Variants in L3MBTL2 observed in about 807,000 individuals in gnomAD.
L3MBTL2 encodes lethal(3)malignant brain tumor-like protein 2.
L3MBTL2 carries 49 observed loss-of-function variants against 86.4 expected under a neutral mutation model. The ratio of observed to expected loss-of-function variants is 0.57; its 90% confidence interval spans 0.45 to 0.72. The LOEUF (loss-of-function observed/expected upper bound fraction) is 0.72, where lower values mean the gene tolerates loss of function less well. Ranked by LOEUF, L3MBTL2 falls within the 30% of genes least tolerant of loss-of-function variation. The pLI, the probability that L3MBTL2 is intolerant of heterozygous loss-of-function variation, is 0.00. For synonymous variants in L3MBTL2, 336 were observed against 350.6 expected (o/e 0.96, Z 0.47); for missense variants, 755 against 923.7 (o/e 0.82, Z 2.37).
Position 41,231,094 on chromosome 22 carries a change from G to C in L3MBTL2, c.*843G>C, listed in dbSNP as rs755897385. The stretch of plus-strand genomic sequence containing the variant: ...CTGGAGCCTCTAGAGAGCTGGGCTT[G>C]TATGTTCTTTTGGCCTTTTGTTCCT... On this transcript the variant is annotated 3_prime_UTR_variant, in exon 17 of 17. Transcript: ENST00000216237. The C allele has an allele frequency of 2.0e-5, 3 of 152,202 alleles. No individual in the cohort carries two copies. Among genetic ancestry groups the C allele is most frequent in the Non-Finnish European group, 4.4e-5 (3 of 68,042 alleles). 9.4% of individuals were successfully genotyped at this position (152,202 alleles called of 1,614,324 possible).
intron 6 of L3MBTL2, among the ~76,000 whole-genome samples, chr22:41,220,467 C>T (rs1274385459): frequency 6.6e-6 from 1 of 152,050 alleles, no homozygotes; most frequent in Admixed American, 6.6e-5. Context: ...GAGGGCAGAT[C>T]ACGAGGTCGG....
In L3MBTL2 at chr22:41,227,884, G is replaced by A. The variant is rs199819388; in HGVS notation, c.1888+15G>A. 2.4e-4 allele frequency: 382 copies of A among 1,610,950 alleles called. 1 individual carries two copies. In the African/African-American group the frequency reaches 4.0e-3, roughly 17 times the overall value. ...TGGGAAGAAAAGTAAGTGCTGCACC[G>A]GTGCAGCCAGGCTGGTGTGGGCCTG... On this transcript the variant is annotated intron_variant, in intron 15 of 16. Transcript: ENST00000216237. This position sits in a 1 kb window ranked among gnomAD's most constrained non-coding sequence, Gnocchi z 6.0.
chr22:41,224,780 C>T lies in L3MBTL2; in HGVS notation c.1230C>T (p.Ala410=), dbSNP rs770875808. ...HPTFRKIYCD[A]VPYLFKKVRA... is the part of the protein sequence containing the mutation. Reference sequence around the variant, plus strand: ...CCTTCCGGAAGATCTACTGTGATGCCGTTCCTTACCTCTTCAAGAAGGTGA... The same window carrying T: ...CCTTCCGGAAGATCTACTGTGATGCTGTTCCTTACCTCTTCAAGAAGGTGA... The change falls in exon 10 of 17, where the codon GCC becomes GCT. Residue 410 remains alanine, a synonymous_variant. Coordinates refer to ENST00000216237, the MANE Select transcript of L3MBTL2 (RefSeq NM_031488.5). This position sits in a 1 kb window ranked among gnomAD's most constrained non-coding sequence, Gnocchi z 4.9. 25 of 1,613,650 alleles carry T rather than the reference C, an allele frequency of 1.5e-5. No individual in the cohort carries two copies. Among genetic ancestry groups the T allele is most frequent in the Middle Eastern group, 1.6e-4 (1 of 6,078 alleles).
chr22:41,211,561 T>C (rs7287006), intron 2 of L3MBTL2, among the ~76,000 whole-genome samples: 1,544 of 55,616 alleles, frequency 0.028, 179 homozygotes, highest in African/African-American at 0.13. Context: ...TATTTCCTTT[T>C]TTTTTTTTTT....
At chr22:41,229,870 CCCT>C (rs989351912) in intron 16 of L3MBTL2, 53 of 800,298 alleles carry the variant, frequency 6.6e-5, no homozygotes, top group African/African-American at 1.5e-4. Context: ...CGGCCCCGGC[CCCT>C]CCTCCTCCTC....
intron 4 of L3MBTL2, among the ~76,000 whole-genome samples, chr22:41,216,835 T>TAA (rs1438285733): frequency 6.6e-6 from 1 of 152,232 alleles, no homozygotes; most frequent in Admixed American, 6.5e-5. Context: ...AGCCCAGGGA[T>TAA]ATTTCAGTTT....
rs1601530025 is a variant in L3MBTL2, at chr22:41,224,410, A to G, written c.1174+159A>G. On this transcript the variant is annotated intron_variant, in intron 9 of 16. Coordinates refer to ENST00000216237, the MANE Select transcript of L3MBTL2 (RefSeq NM_031488.5). This position sits in a 1 kb window ranked among gnomAD's most constrained non-coding sequence, Gnocchi z 4.9. ...TCCAGAGAGCTTGAGTAACTTGACA[A>G]AAGTCACTCCACTCAACTTGTGAGT... is the stretch of plus-strand genomic sequence containing the variant. Among the ~76,000 whole-genome samples, 2 of 152,144 alleles carry G rather than the reference A, an allele frequency of 1.3e-5. No individual in the cohort carries two copies. Among genetic ancestry groups the G allele is most frequent in the South Asian group, 2.1e-4 (1 of 4,830 alleles).
chr22:41,217,455 A>G, intron 5 of L3MBTL2: 1 of 481,228 alleles, frequency 2.1e-6, no homozygotes. Flanking sequence ...ACTTGGTGCT[A>G]GCTGATGTCG....
chr22:41,227,210 T>G lies in L3MBTL2; in HGVS notation c.1709T>G (p.Phe570Cys). Residue 570 changes from phenylalanine (F) to cysteine (C), a missense_variant, in exon 14 of 17, where the codon TTT becomes TGT. By Grantham distance (205) the Phe-to-Cys change is radical. Around this residue, in one of 3 missense-constraint regions of L3MBTL2, gnomAD observed 634 missense variants for 748.9 expected, o/e 0.85. Transcript: ENST00000216237. The surrounding 1 kb of genome is among the most constrained non-coding windows in gnomAD (Gnocchi z 6.0). ...RVVHRLLSIH[F>C]DGWDSEYDQW... ...GTGCATCGGCTCCTCAGCATCCACT[T>G]TGACGGCTGGGACAGCGAGTACGAC... 1 of 1,613,656 alleles carries G rather than the reference T, an allele frequency of 6.2e-7. No individual in the cohort carries two copies. The highest frequency in any genetic ancestry group is 8.5e-7 in the Non-Finnish European group (1 of 1,179,990).
In L3MBTL2 at chr22:41,217,189, G is replaced by T; in HGVS notation, c.587G>T (p.Ser196Ile). ...CACAGTTACAAGGCTGCTCCCGTCA[G>T]CTGTTTCAAGCACGTGAGTGCCCTG... is the stretch of plus-strand genomic sequence containing the variant. The part of the protein sequence containing the change: ...KDHSYKAAPV[S>I]CFKHVPLYDQ... The change falls in exon 5 of 17, where the codon AGC (serine) becomes ATC (isoleucine). Residue 196 changes from serine (S) to isoleucine (I), a missense_variant. Ser to Ile is a moderately radical substitution (Grantham distance 142). This residue lies in a region of L3MBTL2 where 634 missense variants were observed against 748.9 expected (regional missense o/e 0.85). Coordinates refer to ENST00000216237, the MANE Select transcript of L3MBTL2 (RefSeq NM_031488.5). 1 of 1,613,258 alleles carries T rather than the reference G, an allele frequency of 6.2e-7. No homozygotes were observed.
chr22:41,228,678 C>T (rs968414897), intron 15 of L3MBTL2, among the ~76,000 whole-genome samples: 4 of 152,044 alleles, frequency 2.6e-5, no homozygotes, highest in East Asian at 1.9e-4. Context: ...GGCGAAACCC[C>T]GTCTCTACTA....
chr22:41,208,670 G>A (rs2030450730), intron 1 of L3MBTL2, among the ~76,000 whole-genome samples: 1 of 152,100 alleles, frequency 6.6e-6, no homozygotes, highest in South Asian at 2.1e-4. Context: ...AGCAGTCTAG[G>A]TCCCAAATTA....
intron 2 of L3MBTL2, among the ~76,000 whole-genome samples, chr22:41,210,324 ATT>A (rs1239309855): frequency 2.7e-5 from 4 of 149,158 alleles, no homozygotes; most frequent in Non-Finnish European, 5.9e-5. Context: ...TAACTTTTGT[ATT>A]TTTTTGTTTG....
At position 41,224,780 on chromosome 22, in the gene L3MBTL2, C is replaced by A; in HGVS notation, c.1230C>A (p.Ala410=). The stretch of plus-strand genomic sequence containing the variant: ...CCTTCCGGAAGATCTACTGTGATGC[C>A]GTTCCTTACCTCTTCAAGAAGGTGA... The part of the protein sequence containing the change: ...HPTFRKIYCD[A]VPYLFKKVRA... The change falls in exon 10 of 17, where the codon GCC becomes GCA. Residue 410 remains alanine, a synonymous_variant. Transcript: ENST00000216237. This position sits in a 1 kb window ranked among gnomAD's most constrained non-coding sequence, Gnocchi z 4.9. 6.2e-7 allele frequency: 1 copy of A among 1,613,766 alleles called. No individual in the cohort carries two copies. Among genetic ancestry groups the A allele is most frequent in the Non-Finnish European group, 8.5e-7 (1 of 1,179,680 alleles).
chr22:41,217,396 C>T (rs977286331), intron 5 of L3MBTL2, 194 bp downstream of exon 5: 14 of 575,666 alleles, frequency 2.4e-5, no homozygotes, highest in Non-Finnish European at 4.3e-5. Flanking sequence ...CTATCACCTG[C>T]TTGGCTTCAC....
chr22:41,227,979 C>G lies in L3MBTL2; in HGVS notation c.1888+110C>G. 1.3e-6 allele frequency: 2 copies of G among 1,500,042 alleles called. No homozygotes were observed. Among genetic ancestry groups the G allele is most frequent in the Non-Finnish European group, 1.8e-6 (2 of 1,123,300 alleles). 92.9% of individuals were successfully genotyped at this position (1,500,042 alleles called of 1,614,324 possible). A position where few individuals can be genotyped will look rare whatever the true frequency, so the allele number is the denominator to read the frequency against. On this transcript the variant is annotated intron_variant, in intron 15 of 16. Transcript: ENST00000216237. The surrounding 1 kb of genome is among the most constrained non-coding windows in gnomAD (Gnocchi z 6.0). ...CCAGGCACTGGTTCCCAGGTGCTGTCCTACTGACGTAGCTCTCTTCGTGTT... is the reference window on the plus strand; with the variant it reads ...CCAGGCACTGGTTCCCAGGTGCTGTGCTACTGACGTAGCTCTCTTCGTGTT...
In L3MBTL2 at chr22:41,217,373, C is replaced by T. The variant is rs371129121; in HGVS notation, c.600+171C>T. On this transcript the variant is annotated intron_variant, in intron 5 of 16. Transcript: ENST00000216237. The stretch of plus-strand genomic sequence containing the variant: ...TTCATGTTTATGTCAAAAAAATCCT[C>T]CTACAAACACTTCTATCACCTGCTT... 6.7e-6 allele frequency: 4 copies of T among 598,268 alleles called. No homozygotes were observed. The African/African-American group carries it at 7.4e-5, about 11-fold the overall frequency. The allele number at this position is 598,268 out of a possible 1,614,324, so 37.1% of individuals were successfully genotyped here. A position where few individuals can be genotyped will look rare whatever the true frequency, so the allele number is the denominator to read the frequency against.
intron 15 of L3MBTL2, among the ~76,000 whole-genome samples, chr22:41,228,834 A>G (rs2032375039): frequency 6.9e-6 from 1 of 144,908 alleles, no homozygotes; most frequent in African/African-American, 2.6e-5. Context: ...TGGGCGGAAG[A>G]GGGAAACTCC....
chr22:41,229,648 C>T lies in L3MBTL2; in HGVS notation c.1997C>T (p.Pro666Leu). The change falls in exon 16 of 17, where the codon CCT (proline) becomes CTT (leucine). Residue 666 changes from proline to leucine, a missense_variant. Physicochemically the swap from Pro to Leu is moderately conservative, Grantham distance 98. Transcript: ENST00000216237. ...AGGAAGATCTCGTCGGAGCCTGTTC[C>T]TGGCGAGAGTAAGAGCCACCGGGCT... ...GARKISSEPV[P>L]GEIIAVRVKE... 6.2e-7 allele frequency: 1 copy of T among 1,613,552 alleles called. No homozygotes were observed. Among genetic ancestry groups the T allele is most frequent in the South Asian group, 1.1e-5 (1 of 91,040 alleles).
Sources: gnomAD v4.1 joint callset for allele counts (sites outside exome capture counted in the v4.1 genomes callset) on GRCh38, gnomAD v4.1.1 for gene constraint, gnomAD v4.1.1 regional missense constraint, Gnocchi (gnomAD v3.1) non-coding constraint, MANE v1.5 for transcripts, NCBI Gene and HGNC (gene_info 2026-07-23, HGNC 2026-07-21) for gene names.